Variants in AWAT2 observed in about 807,000 individuals in gnomAD.
AWAT2 encodes the protein acyl-CoA wax alcohol acyltransferase 2.
In AWAT2, 9 loss-of-function variants were observed where a neutral mutation model predicts 22.3. The ratio of observed to expected loss-of-function variants is 0.40; its 90% CI spans 0.24 to 0.70. AWAT2 has a LOEUF of 0.70. Among genes scored for constraint, AWAT2 ranks in the 30% least tolerant of loss-of-function variants. The pLI, the probability that AWAT2 is intolerant of heterozygous loss-of-function variation, is 0.36. For missense variants in AWAT2, 217 were observed against 265.9 expected (o/e 0.82, Z 1.28); for synonymous variants, 100 against 93.4 (o/e 1.07, Z -0.40).
intron 1 of AWAT2, 39 bp from the exon 2 acceptor site, chrX:70,044,501 A>G (rs1569410319): frequency 8.4e-7 from 1 of 1,194,499 alleles, no homozygotes; most frequent in East Asian, 3.0e-5. Flanking sequence ...AATTTCAAGC[A>G]GTCCCTCACA....
Position 70,041,422 on chromosome X carries a change from GAGA to G in AWAT2, c.*233_*235del, listed in dbSNP as rs1184388541. Reference sequence around the variant, plus strand: ...GGGAGATGGGGCTGTTTGACAGCTAGAGAAGGAGAGACATGCATCCCAGAGCCT... The same window carrying G: ...GGGAGATGGGGCTGTTTGACAGCTAGAGGAGAGACATGCATCCCAGAGCCT... On this transcript the variant is annotated 3_prime_UTR_variant, in exon 8 of 8. Coordinates refer to ENST00000276101, the MANE Select transcript of AWAT2 (RefSeq NM_001002254.1). 1 of 123,501 alleles carries G rather than the reference GAGA, an allele frequency of 8.1e-6. No individual in the cohort carries two copies. Among genetic ancestry groups the G allele is most frequent in the Non-Finnish European group, 1.6e-5 (1 of 61,146 alleles). The allele number at this position is 123,501 out of a possible 1,213,427, so 10.2% of individuals were successfully genotyped here.
At chrX:70,049,533 C>A (rs751029434) in intron 1 of AWAT2, among the ~76,000 whole-genome samples, 3 of 111,236 alleles carry the variant, frequency 2.7e-5, no homozygotes, top group Non-Finnish European at 3.8e-5. Context: ...CCTCATCTTC[C>A]CAAAGAATGC....
intron 1 of AWAT2, among the ~76,000 whole-genome samples, chrX:70,047,783 G>A (rs1010438810): frequency 2.7e-5 from 3 of 111,397 alleles, no homozygotes; most frequent in South Asian, 7.6e-4. Flanking sequence ...AGGGGCAAAC[G>A]CCTGCAGCCC....
rs747031983 is a variant in AWAT2 at position 70,042,552 on chromosome X, T to C, written c.648-166A>G. On this transcript the variant is annotated intron_variant, in intron 5 of 7. Transcript: ENST00000276101. ...GTGTGGGGGCTCCATGGCCTACCCCTGGCTGCCTGTGGGAGCAAAGTAGCA... is the reference window on the plus strand; with the variant it reads ...GTGTGGGGGCTCCATGGCCTACCCCCGGCTGCCTGTGGGAGCAAAGTAGCA... 8 of 528,263 alleles carry C rather than the reference T, an allele frequency of 1.5e-5. No homozygotes were observed. In the African/African-American group the frequency reaches 1.8e-4, roughly 12 times the overall value. 43.5% of individuals were successfully genotyped at this position (528,263 alleles called of 1,213,427 possible).
rs1209871462 is a variant in AWAT2 at position 70,043,059 on chromosome X, C to A, written c.647+10G>T. On this transcript the variant is annotated intron_variant, in intron 5 of 7. Coordinates refer to ENST00000276101, the MANE Select transcript of AWAT2 (RefSeq NM_001002254.1). ...TCCCTTCCGCCAGCCTGGACTGGAGCTGTCCTTACCCATGCTGAAGGGCCA... is the reference window on the plus strand; with the variant it reads ...TCCCTTCCGCCAGCCTGGACTGGAGATGTCCTTACCCATGCTGAAGGGCCA... 1 of 1,176,191 alleles carries A rather than the reference C, an allele frequency of 8.5e-7. No individual in the cohort carries two copies. The highest frequency in any genetic ancestry group is 1.1e-6 in the Non-Finnish European group (1 of 877,712).
At chrX:70,049,709 C>T (rs2020385270) in intron 1 of AWAT2, 139 bp downstream of exon 1, 1 of 718,251 alleles carries the variant, frequency 1.4e-6, no homozygotes, top group Non-Finnish European at 2.1e-6. Flanking sequence ...GTGGGTCAGG[C>T]CAGAGGCTGG....
Position 70,043,249 on chromosome X carries a change from G to A in AWAT2, c.473-6C>T. The A allele has an allele frequency of 2.5e-6, 3 of 1,197,323 alleles. No individual in the cohort carries two copies. The highest frequency in any genetic ancestry group is 3.4e-6 in the Non-Finnish European group (3 of 888,246). On this transcript the variant is annotated splice_region_variant and splice_polypyrimidine_tract_variant and intron_variant, in intron 4 of 7. Transcript: ENST00000276101. ...TCGACTCACAGAGCAGGCCCCTGGT[G>A]GATAGAAAAAGCCAAACAGCCACTG...
At chrX:70,045,422 A>G (rs1044014658) in intron 1 of AWAT2, among the ~76,000 whole-genome samples, 1 of 111,665 alleles carries the variant, frequency 9.0e-6, no homozygotes, top group Non-Finnish European at 1.9e-5. Flanking sequence ...ATGTGAGCCT[A>G]TTTGCACTGG....
intron 1 of AWAT2, 139 bp from the exon 2 acceptor site, chrX:70,044,601 A>G: frequency 9.9e-7 from 1 of 1,015,074 alleles, no homozygotes; most frequent in African/African-American, 1.9e-5. Flanking sequence ...TCTTCACCCC[A>G]GCACCTGGCC....
In AWAT2 at chrX:70,043,919, T is replaced by C. The variant is rs201682990; in HGVS notation, c.267+7A>G. The C allele has an allele frequency of 2.3e-4, 277 of 1,199,757 alleles. No homozygotes were observed. The highest frequency in any genetic ancestry group is 2.9e-4 in the Non-Finnish European group (258 of 889,777). Reference sequence around the variant, plus strand: ...CTGGGCCTGAGTGGGGACCTGGGGCTACTGACCTTGAGAGGGAAATAATCG... The same window carrying C: ...CTGGGCCTGAGTGGGGACCTGGGGCCACTGACCTTGAGAGGGAAATAATCG... On this transcript the variant is annotated splice_region_variant and intron_variant, in intron 3 of 7. Coordinates refer to ENST00000276101, the MANE Select transcript of AWAT2 (RefSeq NM_001002254.1).
Position 70,041,086 on chromosome X carries a change from C to T in AWAT2, c.*572G>A, listed in dbSNP as rs2281932. 0.22 allele frequency: 24,598 copies of T among 111,643 alleles called. 2,447 individuals carry two copies. The highest frequency in any genetic ancestry group is 0.31 in the East Asian group (1,085 of 3,521). The allele number at this position is 111,643 out of a possible 1,213,427, so 9.2% of individuals were successfully genotyped here. A position where few individuals can be genotyped will look rare whatever the true frequency, so the allele number is the denominator to read the frequency against. On this transcript the variant is annotated 3_prime_UTR_variant, in exon 8 of 8. Transcript: ENST00000276101. Reference sequence around the variant, plus strand: ...GGCTAGTGGGTAGCAGAGGGTATTTCGGGCGTTGTTTGCTCAGGGACAGGA... The same window carrying T: ...GGCTAGTGGGTAGCAGAGGGTATTTTGGGCGTTGTTTGCTCAGGGACAGGA...
intron 7 of AWAT2, 64 bp from the exon 8 acceptor site, chrX:70,041,686 C>T (rs952603880): frequency 1.2e-4 from 81 of 703,405 alleles, no homozygotes; most frequent in Middle Eastern, 4.4e-4. Context: ...ACAAACAGCC[C>T]CTCCCCATAA....
chrX:70,044,232 G>A, intron 2 of AWAT2, 120 bp downstream of exon 2: 1 of 1,114,972 alleles, frequency 9.0e-7, no homozygotes. Flanking sequence ...AGCCTCTCTA[G>A]CCCAGGGAGG....
At chrX:70,045,946 C>T (rs991763390) in intron 1 of AWAT2, among the ~76,000 whole-genome samples, 1 of 111,704 alleles carries the variant, frequency 9.0e-6, no homozygotes, top group African/African-American at 3.3e-5. Context: ...CATGCATGTA[C>T]TGGCCCATCA....
At chrX:70,044,739 T>G (rs2020352060) in intron 1 of AWAT2, among the ~76,000 whole-genome samples, 1 of 112,660 alleles carries the variant, frequency 8.9e-6, no homozygotes, top group African/African-American at 3.2e-5. Context: ...CTCTGGGCCC[T>G]GCTCCAGCAC....
At chrX:70,046,558 C>T (rs988869662) in intron 1 of AWAT2, among the ~76,000 whole-genome samples, 2 of 111,014 alleles carry the variant, frequency 1.8e-5, no homozygotes, top group Non-Finnish European at 3.8e-5. Flanking sequence ...GTGCACGCCA[C>T]CATGCCTGGC....
chrX:70,045,806 A>G (rs1382078840), intron 1 of AWAT2, among the ~76,000 whole-genome samples: 2 of 111,476 alleles, frequency 1.8e-5, no homozygotes, highest in African/African-American at 3.3e-5. Flanking sequence ...GAGTAAACCA[A>G]GAAAGAGGAA....
At chrX:70,047,376 G>A (rs956279171) in intron 1 of AWAT2, among the ~76,000 whole-genome samples, 1 of 112,469 alleles carries the variant, frequency 8.9e-6, no homozygotes, top group African/African-American at 3.2e-5. Context: ...CTAGGGTTTT[G>A]ATAAGTGCCA....
chrX:70,043,329 C>G, intron 4 of AWAT2, 86 bp from the exon 5 acceptor site: 1 of 1,047,161 alleles, frequency 9.5e-7, no homozygotes, highest in Non-Finnish European at 1.3e-6. Flanking sequence ...AGGGGGAGTG[C>G]AAGGAGCCTA....
Sources: allele counts gnomAD v4.1 joint callset (sites outside exome capture counted in the v4.1 genomes callset), GRCh38; gene constraint gnomAD v4.1.1; transcripts MANE v1.5; gene names NCBI Gene and HGNC (gene_info 2026-07-23, HGNC 2026-07-21).